Variants in BNIP3L observed in about 807,000 individuals in gnomAD.
BNIP3L encodes the protein BCL2 interacting protein 3 like.
Under a neutral mutation model 25.5 loss-of-function variants are expected in BNIP3L, and 10 were observed. The ratio of observed to expected loss-of-function variants is 0.39; its 90% CI spans 0.24 to 0.67. BNIP3L has a LOEUF of 0.67. Ranked by LOEUF, BNIP3L falls within the 30% of genes least tolerant of loss-of-function variation. The pLI, the probability that BNIP3L is intolerant of heterozygous loss-of-function variation, is 0.45. For synonymous variants in BNIP3L, 113 were observed against 101.2 expected, an observed-to-expected ratio of 1.12 and a Z score of -0.70; for missense variants, 215 against 270.9, an observed-to-expected ratio of 0.79 and a Z score of 1.45.
At position 26,407,855 on chromosome 8, in the gene BNIP3L, A is replaced by AT. The variant is rs1806534710; in HGVS notation, c.358-139dup. ...CTCTGATCTTACATTATTTTTCAGC[A>AT]TTTTTTAGAAAAGCAACATGTTTGT... is the stretch of plus-strand genomic sequence containing the variant. On this transcript the variant is annotated intron_variant, in intron 3 of 5. Coordinates refer to ENST00000380629, the MANE Select transcript of BNIP3L (RefSeq NM_004331.3). 11 of 698,526 alleles carry AT rather than the reference A, an allele frequency of 1.6e-5. No individual in the cohort carries two copies. The Admixed American group carries it at 2.8e-4, about 18-fold the overall frequency. The allele number at this position is 698,526 out of a possible 1,614,324, so 43.3% of individuals were successfully genotyped here.
At chr8:26,392,537 CTGGTT>C (rs1416936527) in intron 2 of BNIP3L, among the ~76,000 whole-genome samples, 1 of 152,156 alleles carries the variant, frequency 6.6e-6, no homozygotes, top group African/African-American at 2.4e-5. Context: ...CAGCGGGGGA[CTGGTT>C]TGTTGGCTCT....
chr8:26,402,458 T>C (rs1806407539), intron 3 of BNIP3L, among the ~76,000 whole-genome samples: 1 of 152,254 alleles, frequency 6.6e-6, no homozygotes, highest in Admixed American at 6.5e-5. Flanking sequence ...TTCTTCAATC[T>C]ATATCACCTT....
At chr8:26,408,652 A>G (rs191371188) in intron 5 of BNIP3L, among the ~76,000 whole-genome samples, 2 of 152,158 alleles carry the variant, frequency 1.3e-5, no homozygotes, top group Admixed American at 1.3e-4. Flanking sequence ...TGGGTGGATG[A>G]CCTGAGGCCA....
intron 3 of BNIP3L, among the ~76,000 whole-genome samples, chr8:26,404,452 A>G (rs1039744856): frequency 6.6e-6 from 1 of 152,234 alleles, no homozygotes; most frequent in Admixed American, 6.5e-5. Context: ...CAGAGAAGGA[A>G]AACTTAAGTG....
At chr8:26,390,403 G>A (rs755537500) in intron 1 of BNIP3L, 8 of 985,312 alleles carry the variant, frequency 8.1e-6, no homozygotes, top group Non-Finnish European at 9.6e-6. Context: ...AAAACTTTTC[G>A]TGTTTGCCTG....
chr8:26,409,750 G>T (rs1359448222), intron 5 of BNIP3L, among the ~76,000 whole-genome samples: 1 of 152,188 alleles, frequency 6.6e-6, no homozygotes, highest in South Asian at 2.1e-4. Context: ...AATGTAAAAA[G>T]AGTGTTTAAA....
At chr8:26,383,289 C>G (rs2117457639) in intron 1 of BNIP3L, 59 bp downstream of exon 1, 1 of 1,557,450 alleles carries the variant, frequency 6.4e-7, no homozygotes, top group South Asian at 1.2e-5. Context: ...GCCCCGGCCG[C>G]CGCCACCGGC....
At chr8:26,392,549 C>T (rs1806137430) in intron 2 of BNIP3L, among the ~76,000 whole-genome samples, 2 of 152,144 alleles carry the variant, frequency 1.3e-5, no homozygotes, top group Non-Finnish European at 2.9e-5. Flanking sequence ...GGTTTGTTGG[C>T]TCTGTGGCAC....
chr8:26,383,928 G>A (rs1416659727), intron 1 of BNIP3L, among the ~76,000 whole-genome samples: 2 of 151,068 alleles, frequency 1.3e-5, no homozygotes, highest in East Asian at 3.9e-4. Context: ...TGGGTTGTGC[G>A]CCCAGTAAAG....
intron 3 of BNIP3L, among the ~76,000 whole-genome samples, chr8:26,401,562 AAAAAAAAAAAAC>A (rs1806377917): frequency 2.1e-5 from 3 of 144,532 alleles, no homozygotes; most frequent in Admixed American, 7.0e-5. Context: ...AACTTAAATT[AAAAAAAAAAAAC>A]AAAAAAAAAA....
At chr8:26,394,485 C>T (rs1035128909) in intron 2 of BNIP3L, among the ~76,000 whole-genome samples, 4 of 152,150 alleles carry the variant, frequency 2.6e-5, no homozygotes, top group Non-Finnish European at 5.9e-5. Context: ...GAAATTAAAA[C>T]TGAGAAAATA....
intron 3 of BNIP3L, among the ~76,000 whole-genome samples, chr8:26,401,237 T>TA: frequency 7.3e-6 from 1 of 137,042 alleles, no homozygotes; most frequent in Admixed American, 7.5e-5. Context: ...TATGCAGCCA[T>TA]AAAAAATGAT....
intron 3 of BNIP3L, among the ~76,000 whole-genome samples, chr8:26,405,147 C>T (rs907475564): frequency 1.3e-5 from 2 of 151,952 alleles, no homozygotes; most frequent in African/African-American, 2.4e-5. Flanking sequence ...AAAATTAGAG[C>T]GTGAAATCTT....
At position 26,412,790 on chromosome 8, in the gene BNIP3L, G is replaced by T. The variant is rs537012827; in HGVS notation, c.*2378G>T. ...TTACAATTTGGGGACAAAAAGGCAG[G>T]CTTCATTTTTCATATGTTTGATGAA... On this transcript the variant is annotated 3_prime_UTR_variant, in exon 6 of 6. Transcript: ENST00000380629. The T allele has an allele frequency of 2.0e-5, 3 of 152,690 alleles. No individual in the cohort carries two copies. Among genetic ancestry groups the T allele is most frequent in the Non-Finnish European group, 2.9e-5 (2 of 68,016 alleles). 9.5% of individuals were successfully genotyped at this position (152,690 alleles called of 1,614,324 possible). A position where few individuals can be genotyped will look rare whatever the true frequency, so the allele number is the denominator to read the frequency against.
At chr8:26,394,507 A>G (rs1221096024) in intron 2 of BNIP3L, among the ~76,000 whole-genome samples, 4 of 152,208 alleles carry the variant, frequency 2.6e-5, no homozygotes, top group African/African-American at 9.6e-5. Context: ...ATATTCATTC[A>G]AAAATAATAC....
intron 3 of BNIP3L, among the ~76,000 whole-genome samples, chr8:26,401,588 T>A (rs1806380263): frequency 7.8e-6 from 1 of 128,934 alleles, no homozygotes. Flanking sequence ...AAAAAAAACC[T>A]ACCAGTGGAG....
intron 3 of BNIP3L, among the ~76,000 whole-genome samples, chr8:26,399,870 C>T (rs1416493858): frequency 1.7e-5 from 2 of 118,388 alleles, no homozygotes; most frequent in South Asian, 3.1e-4. Flanking sequence ...ATGTGAAGGA[C>T]CTCTTCAAGG....
chr8:26,392,159 A>G (rs529109098), intron 2 of BNIP3L, among the ~76,000 whole-genome samples: 2 of 150,458 alleles, frequency 1.3e-5, no homozygotes, highest in South Asian at 4.2e-4. Flanking sequence ...ATTTTTTAGT[A>G]TAAACTTTTC....
intron 1 of BNIP3L, among the ~76,000 whole-genome samples, chr8:26,384,420 T>C (rs549633046): frequency 1.9e-4 from 29 of 152,336 alleles, no homozygotes; most frequent in African/African-American, 6.5e-4. Flanking sequence ...TCCCAAAACC[T>C]TTAAGTGTCA....
Sources: gnomAD v4.1 joint callset for allele counts (sites outside exome capture counted in the v4.1 genomes callset) on GRCh38, gnomAD v4.1.1 for gene constraint, MANE v1.5 for transcripts, NCBI Gene and HGNC (gene_info 2026-07-23, HGNC 2026-07-21) for gene names.